Variants in LAMA2 observed in about 807,000 individuals in gnomAD.
LAMA2 encodes laminin subunit alpha 2.
In LAMA2, 269 loss-of-function variants were observed where a neutral mutation model predicts 364.8. The ratio of observed to expected loss-of-function variants is 0.74; its 90% CI spans 0.67 to 0.82. The LOEUF (loss-of-function observed/expected upper bound fraction) is 0.82, where lower values mean the gene tolerates loss of function less well. Among genes scored for constraint, LAMA2 ranks in the 40% least tolerant of loss-of-function variants. LAMA2 has a pLI of 0.00. For missense variants in LAMA2, 3,807 were observed against 3,873.2 expected, an observed-to-expected ratio of 0.98 and a Z score of 0.45; for synonymous variants, 1,379 against 1,370.6, an observed-to-expected ratio of 1.01 and a Z score of -0.14.
intron 12 of LAMA2, among the ~76,000 whole-genome samples, chr6:129,226,147 G>C (rs1438788167): frequency 6.6e-6 from 1 of 152,118 alleles, no homozygotes; most frequent in Non-Finnish European, 1.5e-5. Flanking sequence ...TCAGAGACTA[G>C]GTTTGCAACC....
At chr6:129,138,076 A>C (rs1355889295) in intron 4 of LAMA2, among the ~76,000 whole-genome samples, 2 of 152,068 alleles carry the variant, frequency 1.3e-5, no homozygotes, top group African/African-American at 4.8e-5. Context: ...TGTTTGAGGA[A>C]AGGGCCTAAA....
chr6:129,280,250 A>G, intron 18 of LAMA2, 103 bp downstream of exon 18: 1 of 766,270 alleles, frequency 1.3e-6, no homozygotes, highest in Non-Finnish European at 2.4e-6. Flanking sequence ...AAAAAAGGCC[A>G]CACTCAATGA....
chr6:129,041,193 T>C (rs1787064584), intron 1 of LAMA2, among the ~76,000 whole-genome samples: 1 of 152,212 alleles, frequency 6.6e-6, no homozygotes, highest in South Asian at 2.1e-4. Flanking sequence ...GCCTGAAGCC[T>C]AAGGAAGCAG....
intron 1 of LAMA2, chr6:128,928,918 C>G: frequency 1.3e-6 from 1 of 754,206 alleles, no homozygotes; most frequent in Admixed American, 2.0e-5. Flanking sequence ...GCATTTCTTC[C>G]TAAGTGGAAT....
At chr6:129,204,510 C>T (rs1052648045) in intron 12 of LAMA2, among the ~76,000 whole-genome samples, 18 of 149,140 alleles carry the variant, frequency 1.2e-4, no homozygotes, top group Admixed American at 1.1e-3. Context: ...TGGAGATAAA[C>T]ACACCGACAG....
intron 47 of LAMA2, among the ~76,000 whole-genome samples, chr6:129,455,525 A>G (rs1782915641): frequency 6.6e-6 from 1 of 152,178 alleles, no homozygotes; most frequent in South Asian, 2.1e-4. Context: ...TGCATCCTCA[A>G]AGAAAAAAGA....
At chr6:129,372,114 C>T (rs936639548) in intron 34 of LAMA2, among the ~76,000 whole-genome samples, 1 of 152,150 alleles carries the variant, frequency 6.6e-6, no homozygotes, top group East Asian at 1.9e-4. Context: ...CAGAATGGTA[C>T]ATTTATTATA....
intron 35 of LAMA2, among the ~76,000 whole-genome samples, chr6:129,386,626 C>T (rs1583629393): frequency 6.6e-6 from 1 of 152,180 alleles, no homozygotes; most frequent in Middle Eastern, 3.4e-3. Flanking sequence ...GTGAAATAAT[C>T]TGGAAAATAA....
intron 37 of LAMA2, among the ~76,000 whole-genome samples, chr6:129,399,676 G>A (rs1779855641): frequency 6.6e-6 from 1 of 152,078 alleles, no homozygotes; most frequent in Non-Finnish European, 1.5e-5. Context: ...CAGAATGGAG[G>A]GAGGACACAA....
intron 22 of LAMA2, among the ~76,000 whole-genome samples, chr6:129,311,353 C>A (rs1348404486): frequency 1.3e-5 from 2 of 152,052 alleles, no homozygotes; most frequent in Non-Finnish European, 2.9e-5. Context: ...AATCTCCTGA[C>A]CTTGTGATCC....
intron 48 of LAMA2, among the ~76,000 whole-genome samples, chr6:129,457,687 T>A (rs1461046728): frequency 2.6e-5 from 4 of 152,120 alleles, no homozygotes; most frequent in Non-Finnish European, 5.9e-5. Flanking sequence ...CCAAAAAGTA[T>A]GTCTTAGTCC....
Position 129,119,634 on chromosome 6 carries a change from G to A in LAMA2, c.639+21219G>A, listed in dbSNP as rs538983837. 1.2e-4 allele frequency among the ~76,000 whole-genome samples: 19 copies of A among 152,138 alleles called. No individual in the cohort carries two copies. In the South Asian group the frequency reaches 3.1e-3, roughly 25 times the overall value. ...TCGATCTTGGCTCACTGCAAGCTCC[G>A]CCTCCCGGGTTCACGCCATTCTCCT... On this transcript the variant is annotated intron_variant, in intron 4 of 64. Coordinates refer to ENST00000421865, the MANE Select transcript of LAMA2 (RefSeq NM_000426.4).
rs536002902 is a variant in LAMA2, at chr6:129,257,108, T to C, written c.2097-3603T>C. Among the ~76,000 whole-genome samples, 239 of 152,144 alleles carry C rather than the reference T, an allele frequency of 1.6e-3. 1 individual carries two copies. The highest frequency in any genetic ancestry group is 2.0e-3 in the Non-Finnish European group (139 of 67,920). On this transcript the variant is annotated intron_variant, in intron 14 of 64. Coordinates refer to ENST00000421865, the MANE Select transcript of LAMA2 (RefSeq NM_000426.4). The stretch of plus-strand genomic sequence containing the variant: ...GCATTTGACTTAGTTGACAATTCTT[T>C]GATAGCTCATGCATCTCTAAAATTT...
intron 13 of LAMA2, among the ~76,000 whole-genome samples, chr6:129,250,878 A>T (rs960152987): frequency 2.0e-5 from 3 of 152,094 alleles, no homozygotes; most frequent in African/African-American, 7.2e-5. Context: ...ATGTTAATTT[A>T]GCACCAGGCT....
intron 51 of LAMA2, 141 bp downstream of exon 51, chr6:129,465,430 G>A (rs1405935947): frequency 1.3e-6 from 1 of 742,922 alleles, no homozygotes; most frequent in Non-Finnish European, 2.3e-6. Context: ...CATTTTTTTG[G>A]CTTAGATTAT....
At chr6:129,502,139 G>A (rs570652321) in intron 58 of LAMA2, among the ~76,000 whole-genome samples, 4 of 152,316 alleles carry the variant, frequency 2.6e-5, no homozygotes, top group South Asian at 4.1e-4. Context: ...ATGGGCTGAC[G>A]TGCAGGTTTA....
At chr6:129,055,847 T>TGAGGATGTTATAAC (rs1788443894) in intron 2 of LAMA2, among the ~76,000 whole-genome samples, 1 of 152,260 alleles carries the variant, frequency 6.6e-6, no homozygotes, top group African/African-American at 2.4e-5. Flanking sequence ...CTTGCATATT[T>TGAGGATGTTATAAC]ATCCCTGTTG....
At chr6:129,007,692 AT>A (rs1784522419) in intron 1 of LAMA2, among the ~76,000 whole-genome samples, 1 of 152,120 alleles carries the variant, frequency 6.6e-6, no homozygotes, top group Non-Finnish European at 1.5e-5. Flanking sequence ...TTTGTTCAGT[AT>A]TTTCTGATGA....
chr6:128,994,443 C>A (rs968335624), intron 1 of LAMA2, among the ~76,000 whole-genome samples: 6 of 152,138 alleles, frequency 3.9e-5, no homozygotes, highest in African/African-American at 1.2e-4. Context: ...TGAAACACTA[C>A]GAGTTCTTAT....
Sources: allele counts gnomAD v4.1 joint callset (sites outside exome capture counted in the v4.1 genomes callset), GRCh38; gene constraint gnomAD v4.1.1; transcripts MANE v1.5; gene names NCBI Gene and HGNC (gene_info 2026-07-23, HGNC 2026-07-21).